The following RAB3GAP1 variants were observed in gnomAD, a reference collection of about 807,000 sequenced individuals.
RAB3GAP1 encodes rab3 GTPase-activating protein catalytic subunit.
A neutral mutation model predicts 130.7 loss-of-function variants in RAB3GAP1; 86 were observed. The ratio of observed to expected loss-of-function variants is 0.66; its 90% CI spans 0.55 to 0.79. The LOEUF is 0.79. Ranked by LOEUF, RAB3GAP1 falls within the 30% of genes least tolerant of loss-of-function variation. RAB3GAP1 has a pLI of 0.00. For synonymous variants in RAB3GAP1, 367 were observed against 401.7 expected, an observed-to-expected ratio of 0.91 and a Z score of 1.03; for missense variants, 1,029 against 1,169.4, an observed-to-expected ratio of 0.88 and a Z score of 1.75.
At chr2:135,111,845 T>C (rs1690810593) in intron 5 of RAB3GAP1, among the ~76,000 whole-genome samples, 4 of 152,248 alleles carry the variant, frequency 2.6e-5, no homozygotes, top group Admixed American at 2.6e-4. Flanking sequence ...AAATGTTTAC[T>C]TTCCTTGTAG....
intron 3 of RAB3GAP1, among the ~76,000 whole-genome samples, chr2:135,084,264 T>C (rs543822637): frequency 1.3e-5 from 2 of 152,212 alleles, no homozygotes; most frequent in East Asian, 3.9e-4. Context: ...AAAACAATAA[T>C]CAATTTGGGT....
chr2:135,069,741 T>C (rs1458556867), intron 3 of RAB3GAP1, among the ~76,000 whole-genome samples: 3 of 152,186 alleles, frequency 2.0e-5, no homozygotes, highest in African/African-American at 7.2e-5. Context: ...TACTGTGCAG[T>C]AGGAATTATC....
At chr2:135,077,054 G>C (rs1689650905) in intron 3 of RAB3GAP1, among the ~76,000 whole-genome samples, 1 of 152,168 alleles carries the variant, frequency 6.6e-6, no homozygotes, top group Admixed American at 6.5e-5. Context: ...TGGATCACCT[G>C]AGTTCAGGAG....
At chr2:135,090,961 T>C (rs1356536690) in intron 3 of RAB3GAP1, 37 bp from the exon 4 acceptor site, 2 of 1,568,054 alleles carry the variant, frequency 1.3e-6, no homozygotes, top group Admixed American at 3.3e-5. Context: ...AGCTATTGAT[T>C]AAGGTAAATA....
intron 5 of RAB3GAP1, among the ~76,000 whole-genome samples, chr2:135,099,878 T>C (rs917316931): frequency 1.4e-4 from 22 of 152,104 alleles, no homozygotes; most frequent in Non-Finnish European, 2.8e-4. Context: ...ATATAAAGGA[T>C]ACAGAAGGAA....
At chr2:135,125,585 A>G (rs779369098) in intron 9 of RAB3GAP1, among the ~76,000 whole-genome samples, 3 of 152,198 alleles carry the variant, frequency 2.0e-5, no homozygotes, top group Non-Finnish European at 4.4e-5. Flanking sequence ...CTCTCTCAAT[A>G]TATCTCATTG....
At chr2:135,137,128 T>G (rs994528256) in intron 17 of RAB3GAP1, 10 of 321,504 alleles carry the variant, frequency 3.1e-5, no homozygotes, top group Non-Finnish European at 5.4e-5. Context: ...GTGGAAGAGA[T>G]AGTTAAACAG....
At chr2:135,053,131 A>G (rs1430765417) in intron 2 of RAB3GAP1, among the ~76,000 whole-genome samples, 1 of 152,220 alleles carries the variant, frequency 6.6e-6, no homozygotes, top group African/African-American at 2.4e-5. Context: ...AGCTGGGACC[A>G]CAGGCACGCG....
intron 18 of RAB3GAP1, among the ~76,000 whole-genome samples, chr2:135,150,906 G>A (rs888912170): frequency 1.3e-5 from 2 of 152,110 alleles, no homozygotes; most frequent in African/African-American, 4.8e-5. Context: ...GAAATACAGT[G>A]TTTACCCTCA....
chr2:135,152,883 CT>C, intron 18 of RAB3GAP1: 1 of 152,404 alleles, frequency 6.6e-6, no homozygotes, highest in Non-Finnish European at 1.5e-5. Context: ...GAAGCCTCGT[CT>C]TTTTTTCCAA....
At chr2:135,082,719 G>A (rs1241380241) in intron 3 of RAB3GAP1, among the ~76,000 whole-genome samples, 1 of 151,826 alleles carries the variant, frequency 6.6e-6, no homozygotes, top group African/African-American at 2.4e-5. Context: ...GGAATTACAG[G>A]CGCGAGCCAC....
intron 2 of RAB3GAP1, among the ~76,000 whole-genome samples, chr2:135,053,087 G>T (rs972017969): frequency 4.1e-4 from 63 of 152,292 alleles, no homozygotes; most frequent in African/African-American, 1.5e-3. Flanking sequence ...GAACTCCTAG[G>T]CTCAAGTGAA....
At chr2:135,115,726 T>C (rs2104917330) in intron 7 of RAB3GAP1, among the ~76,000 whole-genome samples, 1 of 152,326 alleles carries the variant, frequency 6.6e-6, no homozygotes, top group Non-Finnish European at 1.5e-5. Flanking sequence ...TGTTTGAGCA[T>C]TTGAAGCATT....
At chr2:135,056,087 C>T (rs1190020234) in intron 2 of RAB3GAP1, among the ~76,000 whole-genome samples, 10 of 152,144 alleles carry the variant, frequency 6.6e-5, no homozygotes, top group Non-Finnish European at 8.8e-5. Context: ...CCGCCCGCCT[C>T]GGCCTCCCAA....
chr2:135,088,577 A>G (rs1690050949), intron 3 of RAB3GAP1, among the ~76,000 whole-genome samples: 1 of 151,766 alleles, frequency 6.6e-6, no homozygotes, highest in Non-Finnish European at 1.5e-5. Context: ...TAATCCCAGC[A>G]ACATGGGAGA....
rs1354717083 is a variant in RAB3GAP1 at position 135,091,102 on chromosome 2, TAAA to T, written c.256_258del (p.Lys86del). 1.3e-6 allele frequency: 2 copies of T among 1,598,488 alleles called. No homozygotes were observed. The highest frequency in any genetic ancestry group is 1.3e-5 in the African/African-American group (1 of 74,514). On this transcript the variant is annotated inframe_deletion, in exon 4 of 24. Coordinates refer to ENST00000264158, the MANE Select transcript of RAB3GAP1 (RefSeq NM_012233.3). ...ATTATCTTGTACAAGAGTCCACTGA[TAAA>T]GAAGGAAAGGATGAGTTATTAGAGG...
intron 19 of RAB3GAP1, among the ~76,000 whole-genome samples, chr2:135,155,095 G>C (rs1692273326): frequency 6.6e-6 from 1 of 152,054 alleles, no homozygotes; most frequent in Admixed American, 6.6e-5. Flanking sequence ...AACTGAATCA[G>C]ATATCCTCAA....
At chr2:135,153,621 T>G in intron 18 of RAB3GAP1, 28 bp from the exon 19 acceptor site, 1 of 1,602,460 alleles carries the variant, frequency 6.2e-7, no homozygotes, top group Non-Finnish European at 8.6e-7. Context: ...TTCATTTGAT[T>G]CTGCTGAATT....
At chr2:135,060,599 T>TA (rs1249626872) in intron 3 of RAB3GAP1, among the ~76,000 whole-genome samples, 1 of 151,868 alleles carries the variant, frequency 6.6e-6, no homozygotes, top group Non-Finnish European at 1.5e-5. Flanking sequence ...GGGTATAACT[T>TA]ACACTCCTGT....
Sources: allele counts gnomAD v4.1 joint callset (sites outside exome capture counted in the v4.1 genomes callset), GRCh38; gene constraint gnomAD v4.1.1; transcripts MANE v1.5; gene names NCBI Gene and HGNC (gene_info 2026-07-23, HGNC 2026-07-21).